Variants in TRNP1 observed in about 807,000 individuals in gnomAD.
TRNP1 encodes the protein TMF-regulated nuclear protein 1.
TRNP1 carries 16 observed loss-of-function variants against 12.2 expected under a neutral mutation model. That is an observed-to-expected ratio of 1.31 (90% CI 0.89 to 1.99). The LOEUF (loss-of-function observed/expected upper bound fraction) is 1.99, where lower values mean the gene tolerates loss of function less well. Ranked by LOEUF, TRNP1 falls within the 30% of genes most tolerant of loss-of-function variation. TRNP1 has a pLI of 0.00. For synonymous variants in TRNP1, 139 were observed against 166.2 expected (o/e 0.84, Z 1.26); for missense variants, 338 against 330.4 (o/e 1.02, Z -0.18).
rs757410387 is a variant in TRNP1 at position 27,000,258 on chromosome 1, C to G, written c.*554C>G. The G allele has an allele frequency of 5.9e-5, 9 of 152,132 alleles. No individual in the cohort carries two copies. The highest frequency in any genetic ancestry group is 1.3e-4 in the Admixed American group (2 of 15,266). 9.4% of individuals were successfully genotyped at this position (152,132 alleles called of 1,614,324 possible). A position where few individuals can be genotyped will look rare whatever the true frequency, so the allele number is the denominator to read the frequency against. ...ACATTCTTAACCCCCAGCTGGGGTC[C>G]CCATTTTAATAGATGTCATTGCTTC... On this transcript the variant is annotated 3_prime_UTR_variant, in exon 2 of 2. Transcript: ENST00000522111.
chr1:26,998,231 G>C (rs553271219), intron 1 of TRNP1, among the ~76,000 whole-genome samples: 15 of 96,964 alleles, frequency 1.5e-4, no homozygotes, highest in Non-Finnish European at 2.5e-4. Flanking sequence ...AAAAAAAAAG[G>C]GGGGAGCAAA....
At chr1:26,996,317 C>T (rs1292447042) in intron 1 of TRNP1, among the ~76,000 whole-genome samples, 1 of 152,194 alleles carries the variant, frequency 6.6e-6, no homozygotes, top group African/African-American at 2.4e-5. Flanking sequence ...TGGGATCCTC[C>T]CTCATCAGCC....
rs538687589 is a variant in TRNP1, at chr1:26,994,535, C to G, written c.*65C>G. On this transcript the variant is annotated 3_prime_UTR_variant, in exon 1 of 2. Coordinates refer to ENST00000522111, the MANE Select transcript of TRNP1 (RefSeq NM_001013642.3). The surrounding 1 kb of genome is among the most constrained non-coding windows in gnomAD (Gnocchi z 6.9). ...CCGAGGTGCCGACCGACCGACTGATCGCGGACGCCGGCTGGAAGGACTACG... is the reference window on the plus strand; with the variant it reads ...CCGAGGTGCCGACCGACCGACTGATGGCGGACGCCGGCTGGAAGGACTACG... 9.3e-7 allele frequency: 1 copy of G among 1,073,828 alleles called. No individual in the cohort carries two copies. Among genetic ancestry groups the G allele is most frequent in the Non-Finnish European group, 1.1e-6 (1 of 879,632 alleles). The allele number at this position is 1,073,828 out of a possible 1,614,324, so 66.5% of individuals were successfully genotyped here. A position where few individuals can be genotyped will look rare whatever the true frequency, so the allele number is the denominator to read the frequency against.
At chr1:26,995,019 C>T (rs1175888576) in intron 1 of TRNP1, among the ~76,000 whole-genome samples, 1 of 152,236 alleles carries the variant, frequency 6.6e-6, no homozygotes, top group African/African-American at 2.4e-5. Context: ...TAATGAGGCC[C>T]CAGGATGGGG....
chr1:26,998,869 A>G (rs966577259), intron 1 of TRNP1, among the ~76,000 whole-genome samples: 1 of 152,204 alleles, frequency 6.6e-6, no homozygotes, highest in African/African-American at 2.4e-5. Context: ...TAAGTGAGGG[A>G]TCTCTTAAAC....
chr1:26,998,900 AT>A (rs1486923145), intron 1 of TRNP1, among the ~76,000 whole-genome samples: 2 of 152,190 alleles, frequency 1.3e-5, no homozygotes, highest in Non-Finnish European at 2.9e-5. Context: ...ATGGTGATTC[AT>A]TTATCAGGCT....
In TRNP1 at chr1:27,000,794, T is replaced by C. The variant is rs957504718; in HGVS notation, c.*1090T>C. The C allele has an allele frequency of 6.6e-6, 1 of 152,240 alleles. No homozygotes were observed. The highest frequency in any genetic ancestry group is 1.9e-4 in the East Asian group (1 of 5,192). 9.4% of individuals were successfully genotyped at this position (152,240 alleles called of 1,614,324 possible). On this transcript the variant is annotated 3_prime_UTR_variant, in exon 2 of 2. Transcript: ENST00000522111. ...GCAGTCTGGCCCTGTTGACTTTGAT[T>C]TGCAGACCAATTCTCCCTTGACCTG... is the stretch of plus-strand genomic sequence containing the variant.
intron 1 of TRNP1, among the ~76,000 whole-genome samples, chr1:26,998,248 T>G (rs1228049584): frequency 6.6e-6 from 1 of 151,892 alleles, no homozygotes; most frequent in African/African-American, 2.4e-5. Flanking sequence ...CAAAGGAAGC[T>G]CCTTTGGTTG....
In TRNP1 at chr1:26,994,706, C is replaced by T; in HGVS notation, c.*142+94C>T. 1 of 198,740 alleles carries T rather than the reference C, an allele frequency of 5.0e-6. No individual in the cohort carries two copies. Among genetic ancestry groups the T allele is most frequent in the South Asian group, 1.9e-4 (1 of 5,210 alleles). The allele number at this position is 198,740 out of a possible 1,614,324, so 12.3% of individuals were successfully genotyped here. ...GAACTCCCTTCCCTGGAGCTTCTGG[C>T]GTCTGCTGGGTCCCTAGTAAAGCTG... On this transcript the variant is annotated intron_variant, in intron 1 of 1. Transcript: ENST00000522111. This position sits in a 1 kb window ranked among gnomAD's most constrained non-coding sequence, Gnocchi z 6.9.
intron 1 of TRNP1, among the ~76,000 whole-genome samples, chr1:26,997,387 A>G (rs937039444): frequency 2.7e-4 from 41 of 150,730 alleles, no homozygotes; most frequent in Admixed American, 2.2e-3. Flanking sequence ...AAATATTGAT[A>G]GGGGCTCAGA....
intron 1 of TRNP1, among the ~76,000 whole-genome samples, chr1:26,996,863 CT>C (rs1453241366): frequency 6.6e-6 from 1 of 151,994 alleles, no homozygotes; most frequent in Non-Finnish European, 1.5e-5. Context: ...GCTCTGCCCC[CT>C]CCCTCCACTT....
rs2082537174 is a variant in TRNP1 at position 26,994,769 on chromosome 1, G to C, written c.*142+157G>C. 1.2e-5 allele frequency: 2 copies of C among 163,630 alleles called. No individual in the cohort carries two copies. Among genetic ancestry groups the C allele is most frequent in the South Asian group, 4.0e-4 (2 of 4,942 alleles). 10.1% of individuals were successfully genotyped at this position (163,630 alleles called of 1,614,324 possible). ...GCCGCCTCTCCCGACCATCTGGAGA[G>C]TGAGAGGTGGTAGCATCAAGTCTCC... On this transcript the variant is annotated intron_variant, in intron 1 of 1. Coordinates refer to ENST00000522111, the MANE Select transcript of TRNP1 (RefSeq NM_001013642.3). This position sits in a 1 kb window ranked among gnomAD's most constrained non-coding sequence, Gnocchi z 6.9.
intron 1 of TRNP1, among the ~76,000 whole-genome samples, chr1:26,997,987 C>G (rs1474862877): frequency 1.6e-4 from 24 of 152,128 alleles, no homozygotes; most frequent in Admixed American, 1.6e-3. Flanking sequence ...CAGCGCAGCC[C>G]TAGAGTGGGA....
At chr1:26,995,836 G>T (rs568877429) in intron 1 of TRNP1, among the ~76,000 whole-genome samples, 1 of 152,302 alleles carries the variant, frequency 6.6e-6, no homozygotes, top group African/African-American at 2.4e-5. Context: ...CTCCATGTTG[G>T]TCAGGCTGTT....
chr1:26,993,692 G>A lies in TRNP1; in HGVS notation c.-95G>A, dbSNP rs1251575952. 1.2e-4 allele frequency: 153 copies of A among 1,226,870 alleles called. No individual in the cohort carries two copies. Among genetic ancestry groups the A allele is most frequent in the Non-Finnish European group, 1.5e-4 (149 of 984,614 alleles). 76.0% of individuals were successfully genotyped at this position (1,226,870 alleles called of 1,614,324 possible). A position where few individuals can be genotyped will look rare whatever the true frequency, so the allele number is the denominator to read the frequency against. Reference sequence around the variant, plus strand: ...ATGCGCGGACGGCGGGCGCGCCTCTGGGGTGGGGGCTGTGGCCGTGTCTAG... The same window carrying A: ...ATGCGCGGACGGCGGGCGCGCCTCTAGGGTGGGGGCTGTGGCCGTGTCTAG... On this transcript the variant is annotated 5_prime_UTR_variant, in exon 1 of 2. Transcript: ENST00000522111.
chr1:26,994,075 G>C lies in TRNP1; in HGVS notation c.289G>C (p.Gly97Arg). 8.2e-7 allele frequency: 1 copy of C among 1,217,436 alleles called. No individual in the cohort carries two copies. Among genetic ancestry groups the C allele is most frequent in the African/African-American group, 1.6e-5 (1 of 63,530 alleles). The allele number at this position is 1,217,436 out of a possible 1,614,324, so 75.4% of individuals were successfully genotyped here. A position where few individuals can be genotyped will look rare whatever the true frequency, so the allele number is the denominator to read the frequency against. ...GGGCTCTGGCGCGGCTGCGGGGGCG[G>C]GGGGCCGCGCGCTGGAGCTGGCCGA... Reference protein sequence around the residue: ...GGGSGAAAGAGGRALELAEAR... With the variant: ...GGGSGAAAGARGRALELAEAR... Residue 97 changes from glycine (G) to arginine (R), a missense_variant, in exon 1 of 2, where the codon GGG becomes CGG. Gly to Arg is a moderately radical substitution (Grantham distance 125). Transcript: ENST00000522111. The surrounding 1 kb of genome is among the most constrained non-coding windows in gnomAD (Gnocchi z 6.9).
Position 26,994,104 on chromosome 1 carries a change from A to G in TRNP1, c.318A>G (p.Ala106=). The change falls in exon 1 of 2, where the codon GCA becomes GCG. Residue 106 remains alanine, a synonymous_variant. Transcript: ENST00000522111. The surrounding 1 kb of genome is among the most constrained non-coding windows in gnomAD (Gnocchi z 6.9). ...GCCGCGCGCTGGAGCTGGCCGAAGCACGGCGGCGGCTGCTGGAGGTGGAGG... is the reference window on the plus strand; with the variant it reads ...GCCGCGCGCTGGAGCTGGCCGAAGCGCGGCGGCGGCTGCTGGAGGTGGAGG... ...AGGRALELAE[A]RRRLLEVEGR... 8.2e-7 allele frequency: 1 copy of G among 1,218,018 alleles called. No individual in the cohort carries two copies. The highest frequency in any genetic ancestry group is 1.0e-6 in the Non-Finnish European group (1 of 980,186). 75.5% of individuals were successfully genotyped at this position (1,218,018 alleles called of 1,614,324 possible).
chr1:26,997,871 G>T lies in TRNP1; in HGVS notation c.*143-1976G>T, dbSNP rs931097492. On this transcript the variant is annotated intron_variant, in intron 1 of 1. Transcript: ENST00000522111. The stretch of plus-strand genomic sequence containing the variant: ...AGGGGTGTGGCCTGGAGGAGGTTCA[G>T]TCCTTTATTGTTCCTGCCCCCAATC... Among the ~76,000 whole-genome samples, 6 of 152,258 alleles carry T rather than the reference G, an allele frequency of 3.9e-5. No homozygotes were observed. The Middle Eastern group carries it at 0.01, about 259-fold the overall frequency.
At chr1:26,999,584 T>C (rs2082562450) in intron 1 of TRNP1, among the ~76,000 whole-genome samples, 1 of 152,034 alleles carries the variant, frequency 6.6e-6, no homozygotes, top group Non-Finnish European at 1.5e-5. Flanking sequence ...GGGAACTCCA[T>C]AAGGGGAGAA....
Sources: allele counts gnomAD v4.1 joint callset (sites outside exome capture counted in the v4.1 genomes callset), GRCh38; gene constraint gnomAD v4.1.1; non-coding constraint Gnocchi (gnomAD v3.1); transcripts MANE v1.5; gene names NCBI Gene and HGNC (gene_info 2026-07-23, HGNC 2026-07-21).